JMJD1C: variants seen among roughly 807,000 people sequenced by gnomAD.
JMJD1C encodes the protein jumonji domain-containing protein 1C.
A neutral mutation model predicts 245.3 loss-of-function variants in JMJD1C; 31 were observed. The observed-to-expected ratio is 0.13, with a 90% CI of 0.09 to 0.17. The LOEUF (loss-of-function observed/expected upper bound fraction) is 0.17. JMJD1C is among the 10% of genes least tolerant of loss of function. JMJD1C has a pLI of 1.00. For synonymous variants in JMJD1C, 1,057 were observed against 1,017.4 expected (o/e 1.04, Z -0.74); for missense variants, 2,691 against 3,000.2 (o/e 0.90, Z 2.41).
At chr10:63,446,340 T>C (rs991759602) in intron 1 of JMJD1C, among the ~76,000 whole-genome samples, 1 of 152,126 alleles carries the variant, frequency 6.6e-6, no homozygotes, top group Non-Finnish European at 1.5e-5. Context: ...CAGGTTAGTA[T>C]CAGGAACTCA....
At chr10:63,398,077 T>C (rs1018229299) in intron 1 of JMJD1C, among the ~76,000 whole-genome samples, 3 of 152,228 alleles carry the variant, frequency 2.0e-5, no homozygotes, top group Admixed American at 2.0e-4. Context: ...TGGCAAACCT[T>C]GTGTTAACTG....
intron 1 of JMJD1C, among the ~76,000 whole-genome samples, chr10:63,414,105 G>A: frequency 6.6e-6 from 1 of 151,054 alleles, no homozygotes; most frequent in Non-Finnish European, 1.5e-5. Flanking sequence ...TCCTGCCTCA[G>A]CCTCCCGAGT....
At chr10:63,331,081 T>G (rs1457955201) in intron 2 of JMJD1C, among the ~76,000 whole-genome samples, 1 of 152,234 alleles carries the variant, frequency 6.6e-6, no homozygotes, top group Non-Finnish European at 1.5e-5. Context: ...TTTTCTAAAA[T>G]ACGTACTATC....
chr10:63,309,066 G>A (rs1003618200), intron 2 of JMJD1C, among the ~76,000 whole-genome samples: 26 of 152,034 alleles, frequency 1.7e-4, no homozygotes, highest in Admixed American at 1.6e-3. Flanking sequence ...CCACACCCGG[G>A]GCAAACCATT....
intron 3 of JMJD1C, among the ~76,000 whole-genome samples, chr10:63,251,716 T>G (rs1014040537): frequency 1.3e-5 from 2 of 152,226 alleles, no homozygotes; most frequent in Non-Finnish European, 2.9e-5. Context: ...AATACTTTGC[T>G]GTCTGTTGCC....
intron 1 of JMJD1C, among the ~76,000 whole-genome samples, chr10:63,425,561 C>T (rs535389351): frequency 2.0e-5 from 3 of 151,942 alleles, no homozygotes; most frequent in Non-Finnish European, 4.4e-5. Context: ...ACAGGCAGAT[C>T]GCTTGAGCCC....
chr10:63,183,182 G>A (rs1413162472), intron 22 of JMJD1C, among the ~76,000 whole-genome samples: 3 of 152,044 alleles, frequency 2.0e-5, no homozygotes, highest in Non-Finnish European at 4.4e-5. Flanking sequence ...TTACAAGTGC[G>A]CTTAATGGTG....
chr10:63,391,821 G>A (rs888039217), intron 1 of JMJD1C, among the ~76,000 whole-genome samples: 1 of 152,064 alleles, frequency 6.6e-6, no homozygotes. Context: ...AAGTAAAAAA[G>A]AGCCTAAGGA....
chr10:63,473,189 T>C (rs1953548988), intron 1 of JMJD1C, among the ~76,000 whole-genome samples: 1 of 152,030 alleles, frequency 6.6e-6, no homozygotes, highest in African/African-American at 2.4e-5. Context: ...AAACATTAAG[T>C]AGGACAAGGA....
At chr10:63,228,312 G>C (rs1849550621) in intron 3 of JMJD1C, among the ~76,000 whole-genome samples, 1 of 152,002 alleles carries the variant, frequency 6.6e-6, no homozygotes, top group Non-Finnish European at 1.5e-5. Flanking sequence ...AGAATGTTTA[G>C]GTGTTATGAC....
intron 1 of JMJD1C, among the ~76,000 whole-genome samples, chr10:63,460,290 G>A (rs1371042698): frequency 6.6e-6 from 1 of 152,200 alleles, no homozygotes; most frequent in Non-Finnish European, 1.5e-5. Flanking sequence ...GCCAAGGTGG[G>A]AGGCTCACTT....
At chr10:63,215,509 A>G in intron 6 of JMJD1C, 44 bp downstream of exon 6, 4 of 1,608,816 alleles carry the variant, frequency 2.5e-6, no homozygotes, top group Non-Finnish European at 3.4e-6. Context: ...TACTAGCCTA[A>G]GGAAAAATAT....
rs201366560 is a variant in JMJD1C, at chr10:63,207,913, A to G, written c.3756T>C (p.Thr1252=). The change falls in exon 10 of 26, where the codon ACT becomes ACC. Residue 1252 remains threonine (T), a synonymous_variant. Coordinates refer to ENST00000399262, the MANE Select transcript of JMJD1C (RefSeq NM_032776.3). ...GGGAGTCTTTTGGTTCGGGTATTAG[A>G]GTTGGAGGCTTCTGTGATTCTTGAA... The part of the protein sequence containing the change: ...GKVQESQKPP[T]LIPEPKDSQA... 1 of 1,614,082 alleles carries G rather than the reference A, an allele frequency of 6.2e-7. No individual in the cohort carries two copies. The highest frequency in any genetic ancestry group is 1.3e-5 in the African/African-American group (1 of 75,016).
chr10:63,316,185 C>A (rs1415494725), intron 2 of JMJD1C, among the ~76,000 whole-genome samples: 1 of 152,172 alleles, frequency 6.6e-6, no homozygotes, highest in East Asian at 1.9e-4. Context: ...AGCAAACACG[C>A]AAACAAAAAT....
At chr10:63,182,242 A>C (rs1480471136) in intron 22 of JMJD1C, among the ~76,000 whole-genome samples, 1 of 152,262 alleles carries the variant, frequency 6.6e-6, no homozygotes, top group Non-Finnish European at 1.5e-5. Context: ...TGAAACTCCG[A>C]AGAAGCCTCC....
At chr10:63,368,946 C>A (rs1946076937) in intron 2 of JMJD1C, among the ~76,000 whole-genome samples, 1 of 151,898 alleles carries the variant, frequency 6.6e-6, no homozygotes, top group Non-Finnish European at 1.5e-5. Flanking sequence ...TCACGCCCAG[C>A]CCCTTATAGA....
chr10:63,358,136 T>G (rs551913108), intron 2 of JMJD1C, among the ~76,000 whole-genome samples: 2 of 151,964 alleles, frequency 1.3e-5, no homozygotes, highest in Non-Finnish European at 2.9e-5. Flanking sequence ...TGAATAGATA[T>G]AGGAAATACT....
In JMJD1C at chr10:63,198,848, A is replaced by G. The variant is rs551254007; in HGVS notation, c.5277-121T>C. On this transcript the variant is annotated intron_variant, in intron 11 of 25. Coordinates refer to ENST00000399262, the MANE Select transcript of JMJD1C (RefSeq NM_032776.3). ...TTATAAAATATGAATTACATTAAAA[A>G]CAGGAAAACAGGTTAATTCTTCACA... is the stretch of plus-strand genomic sequence containing the variant. 35 of 539,210 alleles carry G rather than the reference A, an allele frequency of 6.5e-5. No individual in the cohort carries two copies. The Admixed American group carries it at 9.9e-4, about 15-fold the overall frequency. 33.4% of individuals were successfully genotyped at this position (539,210 alleles called of 1,614,324 possible). A position where few individuals can be genotyped will look rare whatever the true frequency, so the allele number is the denominator to read the frequency against.
intron 3 of JMJD1C, among the ~76,000 whole-genome samples, chr10:63,250,912 T>A (rs10995477): frequency 6.6e-6 from 1 of 151,994 alleles, no homozygotes; most frequent in African/African-American, 2.4e-5. Context: ...GGCTAAATTT[T>A]TATTTTTATT....
Sources: gnomAD v4.1 joint callset for allele counts (sites outside exome capture counted in the v4.1 genomes callset) on GRCh38, gnomAD v4.1.1 for gene constraint, MANE v1.5 for transcripts, NCBI Gene and HGNC (gene_info 2026-07-23, HGNC 2026-07-21) for gene names.